The following DGKD variants were observed in gnomAD, a reference collection of about 807,000 sequenced individuals.
DGKD encodes the protein DAG kinase delta.
A neutral mutation model predicts 154.4 loss-of-function variants in DGKD; 68 were observed. The observed-to-expected ratio is 0.44, with a 90% confidence interval of 0.36 to 0.54. DGKD has a LOEUF of 0.54. Ranked by LOEUF, DGKD falls within the 20% of genes least tolerant of loss-of-function variation. The pLI is 0.00. For missense variants in DGKD, 1,343 were observed against 1,593.6 expected, an observed-to-expected ratio of 0.84 and a Z score of 2.68; for synonymous variants, 693 against 638.0, an observed-to-expected ratio of 1.09 and a Z score of -1.30.
chr2:233,466,431 T>C (rs2063824798), intron 27 of DGKD, among the ~76,000 whole-genome samples: 1 of 152,190 alleles, frequency 6.6e-6, no homozygotes, highest in African/African-American at 2.4e-5. Flanking sequence ...TCTTCAAGTC[T>C]ACTTGCTTGC....
intron 1 of DGKD, among the ~76,000 whole-genome samples, chr2:233,383,028 TTTTC>T (rs1187195292): frequency 2.2e-4 from 33 of 151,818 alleles, no homozygotes; most frequent in African/African-American, 3.6e-4. Context: ...GAGTTTCTTT[TTTTC>T]TTTCTTTCTT....
chr2:233,375,938 T>C (rs1702552718), intron 1 of DGKD, among the ~76,000 whole-genome samples: 1 of 152,074 alleles, frequency 6.6e-6, no homozygotes, highest in South Asian at 2.1e-4. Flanking sequence ...AAGGGTCGAG[T>C]CCCTTTCACT....
Position 233,449,836 on chromosome 2 carries a change from G to A in DGKD, c.1889-146G>A, listed in dbSNP as rs1172945256. 5.3e-6 allele frequency: 5 copies of A among 942,838 alleles called. 1 individual carries two copies. Among genetic ancestry groups the A allele is most frequent in the South Asian group, 4.0e-5 (2 of 50,358 alleles). The allele number at this position is 942,838 out of a possible 1,614,324, so 58.4% of individuals were successfully genotyped here. On this transcript the variant is annotated intron_variant, in intron 15 of 29. Transcript: ENST00000264057. The surrounding 1 kb of genome is among the most constrained non-coding windows in gnomAD (Gnocchi z 5.3). Reference sequence around the variant, plus strand: ...AGGACCAGGGGGAAGATGGGTGGGGGTGGGGTTTCGGAGTCCAAGCCTTTA... The same window carrying A: ...AGGACCAGGGGGAAGATGGGTGGGGATGGGGTTTCGGAGTCCAAGCCTTTA...
In DGKD at chr2:233,360,591, A is replaced by AT. The variant is rs754791920; in HGVS notation, c.156+5919dup. Among the ~76,000 whole-genome samples, 873 of 151,668 alleles carry AT rather than the reference A, an allele frequency of 5.8e-3. 4 individuals carry two copies. Among genetic ancestry groups the AT allele is most frequent in the Middle Eastern group, 0.014 (4 of 292 alleles). ...TTATTTTGAGATAGGGTCTTGCTATATTCCCCAGGCTGGTCTCAAACTCCT... is the reference window on the plus strand; with the variant it reads ...TTATTTTGAGATAGGGTCTTGCTATATTTCCCCAGGCTGGTCTCAAACTCCT... On this transcript the variant is annotated intron_variant, in intron 1 of 29. Coordinates refer to ENST00000264057, the MANE Select transcript of DGKD (RefSeq NM_152879.3).
rs2228937 is a variant in DGKD at position 233,449,192 on chromosome 2, C to T, written c.1704C>T (p.Pro568=). ...QASSSLPNPP[P]TIAEEAEDGD... ...CGTCCTCTCTGCCCAACCCGCCCCC[C>T]ACCATTGCCGAGGAGGCTGAAGATG... The change falls in exon 15 of 30, where the codon CCC becomes CCT. Residue 568 remains proline (P), a synonymous_variant. Transcript: ENST00000264057. The surrounding 1 kb of genome is among the most constrained non-coding windows in gnomAD (Gnocchi z 5.3). The T allele has an allele frequency of 5.6e-6, 9 of 1,613,720 alleles. No homozygotes were observed. The highest frequency in any genetic ancestry group is 2.7e-5 in the African/African-American group (2 of 74,938).
chr2:233,366,167 T>C (rs1027385432), intron 1 of DGKD, among the ~76,000 whole-genome samples: 4 of 152,116 alleles, frequency 2.6e-5, no homozygotes, highest in African/African-American at 9.7e-5. Context: ...TTGGAGGCTG[T>C]GTTAGGGAGC....
At position 233,458,218 on chromosome 2, in the gene DGKD, AG is replaced by A; in HGVS notation, c.2581-63del. ...GGCTGACCCCCAGAGGGAGGGAGTG[AG>A]GGTAGGGGCGGCCTGTGCTCGGGGA... is the stretch of plus-strand genomic sequence containing the variant. On this transcript the variant is annotated intron_variant, in intron 21 of 29. Transcript: ENST00000264057. This position sits in a 1 kb window ranked among gnomAD's most constrained non-coding sequence, Gnocchi z 6.6. 1 of 1,035,934 alleles carries A rather than the reference AG, an allele frequency of 9.7e-7. No homozygotes were observed. The highest frequency in any genetic ancestry group is 1.6e-5 in the African/African-American group (1 of 64,058). The allele number at this position is 1,035,934 out of a possible 1,614,324, so 64.2% of individuals were successfully genotyped here.
intron 1 of DGKD, among the ~76,000 whole-genome samples, chr2:233,372,115 G>A (rs1209877788): frequency 6.6e-6 from 1 of 151,896 alleles, no homozygotes; most frequent in African/African-American, 2.4e-5. Flanking sequence ...TCTACCTCCC[G>A]AGCTCAAGTG....
At chr2:233,415,923 C>T (rs970838038) in intron 3 of DGKD, among the ~76,000 whole-genome samples, 8 of 152,110 alleles carry the variant, frequency 5.3e-5, no homozygotes, top group Non-Finnish European at 1.2e-4. Flanking sequence ...CTGCGCCCAA[C>T]CAGGCATAGA....
intron 1 of DGKD, among the ~76,000 whole-genome samples, chr2:233,355,090 A>G (rs1196919651): frequency 2.0e-5 from 3 of 152,044 alleles, no homozygotes; most frequent in Non-Finnish European, 4.4e-5. Context: ...CCGGTTCTGC[A>G]CGTTTCTCAG....
intron 1 of DGKD, among the ~76,000 whole-genome samples, chr2:233,359,517 A>C (rs1701682318): frequency 1.3e-5 from 2 of 148,196 alleles, no homozygotes; most frequent in Non-Finnish European, 3.0e-5. Context: ...TTTATCCCAG[A>C]TAGGAATCAT....
In DGKD at chr2:233,367,378, G is replaced by A. The variant is rs554617426; in HGVS notation, c.156+12704G>A. On this transcript the variant is annotated intron_variant, in intron 1 of 29. Transcript: ENST00000264057. ...CAAGCAGCTGGGACTACAGGCGCCC[G>A]CCACCATGCCCGGCTGATTTTTTTA... is the stretch of plus-strand genomic sequence containing the variant. Among the ~76,000 whole-genome samples, 3 of 152,060 alleles carry A rather than the reference G, an allele frequency of 2.0e-5. No individual in the cohort carries two copies. In the East Asian group the frequency reaches 5.8e-4, roughly 29 times the overall value.
At position 233,441,487 on chromosome 2, in the gene DGKD, T is replaced by C. The variant is rs1000185491; in HGVS notation, c.1086-400T>C. ...GCTGGGAAGGCTGGCAGGGGCCACA[T>C]GTGGATGGGGCAGGGACAGTGACGC... On this transcript the variant is annotated intron_variant, in intron 9 of 29. Transcript: ENST00000264057. This position sits in a 1 kb window ranked among gnomAD's most constrained non-coding sequence, Gnocchi z 5.6. 1.3e-5 allele frequency among the ~76,000 whole-genome samples: 2 copies of C among 151,940 alleles called. No homozygotes were observed. Among genetic ancestry groups the C allele is most frequent in the Non-Finnish European group, 2.9e-5 (2 of 67,938 alleles).
intron 3 of DGKD, among the ~76,000 whole-genome samples, chr2:233,395,263 T>C (rs1281472577): frequency 2.0e-5 from 3 of 152,184 alleles, no homozygotes; most frequent in African/African-American, 7.2e-5. Context: ...TTCGACCTCC[T>C]AGGCTCAAGT....
intron 3 of DGKD, among the ~76,000 whole-genome samples, chr2:233,415,291 A>C (rs947149920): frequency 1.8e-4 from 28 of 152,256 alleles, no homozygotes; most frequent in African/African-American, 6.5e-4. Flanking sequence ...CATGTGAAAT[A>C]GGAGTAGGGT....
At position 233,448,368 on chromosome 2, in the gene DGKD, C is replaced by T; in HGVS notation, c.1607C>T (p.Ala536Val). Reference protein sequence around the residue: ...TESSEESEVMAKKCSVLKEKL... With the variant: ...TESSEESEVMVKKCSVLKEKL... The stretch of plus-strand genomic sequence containing the variant: ...AGCTCGGAGGAGTCAGAGGTCATGG[C>T]CAAGAAGGTCTGTTCCCGTGCCCTG... The change falls in exon 14 of 30, where the codon GCC becomes GTC. Residue 536 changes from alanine to valine, a missense_variant. Physicochemically the swap from Ala to Val is moderately conservative, Grantham distance 64. Coordinates refer to ENST00000264057, the MANE Select transcript of DGKD (RefSeq NM_152879.3). 1 of 1,613,784 alleles carries T rather than the reference C, an allele frequency of 6.2e-7. No individual in the cohort carries two copies. Among genetic ancestry groups the T allele is most frequent in the South Asian group, 1.1e-5 (1 of 91,028 alleles).
chr2:233,386,408 A>T (rs1575014811), intron 1 of DGKD, among the ~76,000 whole-genome samples: 1 of 152,220 alleles, frequency 6.6e-6, no homozygotes, highest in Non-Finnish European at 1.5e-5. Context: ...ACCATTTCCC[A>T]GTCCTTCACA....
intron 23 of DGKD, 60 bp from the exon 24 acceptor site, chr2:233,460,134 C>CT (rs2063580478): frequency 2.5e-6 from 4 of 1,589,624 alleles, no homozygotes; most frequent in Non-Finnish European, 3.4e-6. Flanking sequence ...CCCATAGTGT[C>CT]TGTCGCAGTC....
chr2:233,446,023 G>T (rs191901692), intron 11 of DGKD, among the ~76,000 whole-genome samples: 1 of 152,174 alleles, frequency 6.6e-6, no homozygotes, highest in East Asian at 1.9e-4. Flanking sequence ...TGTCAGGGCC[G>T]TGGAGAAGGC....
Sources: allele counts gnomAD v4.1 joint callset (sites outside exome capture counted in the v4.1 genomes callset), GRCh38; gene constraint gnomAD v4.1.1; non-coding constraint Gnocchi (gnomAD v3.1); transcripts MANE v1.5; gene names NCBI Gene and HGNC (gene_info 2026-07-23, HGNC 2026-07-21).